The following AAMP variants were observed in gnomAD, a reference collection of about 807,000 sequenced individuals.
AAMP encodes the protein angio associated migratory cell protein.
In AAMP, 12 loss-of-function variants were observed where a neutral mutation model predicts 51.1. The ratio of observed to expected loss-of-function variants is 0.23; its 90% CI spans 0.15 to 0.38. The LOEUF is 0.38. AAMP is among the 10% of genes least tolerant of loss of function. AAMP has a pLI of 1.00. For synonymous variants in AAMP, 210 were observed against 218.7 expected, an observed-to-expected ratio of 0.96 and a Z score of 0.35; for missense variants, 418 against 557.2, an observed-to-expected ratio of 0.75 and a Z score of 2.52.
At chr2:218,268,224 C>T (rs543316929) in intron 2 of AAMP, among the ~76,000 whole-genome samples, 21 of 152,082 alleles carry the variant, frequency 1.4e-4, no homozygotes, top group African/African-American at 4.1e-4. Flanking sequence ...GCCTCGGCCT[C>T]CCAAAGTGCT....
intron 10 of AAMP, 110 bp downstream of exon 10, chr2:218,264,910 C>T (rs1189567029): frequency 1.3e-6 from 2 of 1,527,500 alleles, no homozygotes; most frequent in East Asian, 2.2e-5. Context: ...GGCTTCTCTG[C>T]ATTCCTGCCT....
Position 218,267,380 on chromosome 2 carries a change from G to A in AAMP, c.394+114C>T, listed in dbSNP as rs961984446. The A allele has an allele frequency of 1.4e-6, 2 of 1,474,680 alleles. No homozygotes were observed. 91.3% of individuals were successfully genotyped at this position (1,474,680 alleles called of 1,614,324 possible). A position where few individuals can be genotyped will look rare whatever the true frequency, so the allele number is the denominator to read the frequency against. ...GTCCCTGGGGCCCAGCACAGAGCTG[G>A]CACAAAAGAGATGTCACTAAGTGGC... On this transcript the variant is annotated intron_variant, in intron 3 of 10. Coordinates refer to ENST00000248450, the MANE Select transcript of AAMP (RefSeq NM_001087.5). This position sits in a 1 kb window ranked among gnomAD's most constrained non-coding sequence, Gnocchi z 4.6.
At chr2:218,269,592 G>A (rs1690733350) in intron 1 of AAMP, 58 bp from the exon 2 acceptor site, 1 of 1,612,938 alleles carries the variant, frequency 6.2e-7, no homozygotes, top group Non-Finnish European at 8.5e-7. Flanking sequence ...GGTACGGAGA[G>A]AAGCATGAGG....
chr2:218,266,511 G>A lies in AAMP; in HGVS notation c.611C>T (p.Pro204Leu), dbSNP rs1311657014. Reference protein sequence around the residue: ...ADGNTWMWKVPNGDCKTFQGP... With the variant: ...ADGNTWMWKVLNGDCKTFQGP... The stretch of plus-strand genomic sequence containing the variant: ...CTGGAAGGTCTTGCAGTCACCATTC[G>A]GGACTTTCCACATCCAGGTGTTGCC... The change falls in exon 5 of 11, where the codon CCG (proline) becomes CTG (leucine). Residue 204 changes from proline to leucine, a missense_variant. Transcript: ENST00000248450. This position sits in a 1 kb window ranked among gnomAD's most constrained non-coding sequence, Gnocchi z 4.7. 7 of 1,613,974 alleles carry A rather than the reference G, an allele frequency of 4.3e-6. No individual in the cohort carries two copies. Among genetic ancestry groups the A allele is most frequent in the South Asian group, 1.1e-5 (1 of 91,082 alleles).
Position 218,267,370 on chromosome 2 carries a change from C to G in AAMP, c.394+124G>C. The G allele has an allele frequency of 1.4e-6, 2 of 1,435,578 alleles. No homozygotes were observed. Among genetic ancestry groups the G allele is most frequent in the South Asian group, 2.6e-5 (2 of 78,142 alleles). The allele number at this position is 1,435,578 out of a possible 1,614,324, so 88.9% of individuals were successfully genotyped here. A position where few individuals can be genotyped will look rare whatever the true frequency, so the allele number is the denominator to read the frequency against. Reference sequence around the variant, plus strand: ...TTCGCCCCGTGTCCCTGGGGCCCAGCACAGAGCTGGCACAAAAGAGATGTC... The same window carrying G: ...TTCGCCCCGTGTCCCTGGGGCCCAGGACAGAGCTGGCACAAAAGAGATGTC... On this transcript the variant is annotated intron_variant, in intron 3 of 10. Transcript: ENST00000248450. The surrounding 1 kb of genome is among the most constrained non-coding windows in gnomAD (Gnocchi z 4.6).
At position 218,267,309 on chromosome 2, in the gene AAMP, A is replaced by T; in HGVS notation, c.394+185T>A. 2.2e-6 allele frequency: 2 copies of T among 904,338 alleles called. No individual in the cohort carries two copies. Among genetic ancestry groups the T allele is most frequent in the Non-Finnish European group, 3.4e-6 (2 of 595,168 alleles). 56.0% of individuals were successfully genotyped at this position (904,338 alleles called of 1,614,324 possible). A position where few individuals can be genotyped will look rare whatever the true frequency, so the allele number is the denominator to read the frequency against. On this transcript the variant is annotated intron_variant, in intron 3 of 10. Transcript: ENST00000248450. This position sits in a 1 kb window ranked among gnomAD's most constrained non-coding sequence, Gnocchi z 4.6. ...CTTTCCTGGATTCCCTTGGCCAATTAGTGCCTCCTGCCTCTGTGCCCAAAA... is the reference window on the plus strand; with the variant it reads ...CTTTCCTGGATTCCCTTGGCCAATTTGTGCCTCCTGCCTCTGTGCCCAAAA...
chr2:218,267,033 T>TG lies in AAMP; in HGVS notation c.395-48dup, dbSNP rs769063299. On this transcript the variant is annotated intron_variant, in intron 3 of 10. Transcript: ENST00000248450. The surrounding 1 kb of genome is among the most constrained non-coding windows in gnomAD (Gnocchi z 4.6). ...AAACAGAGGAAAAAAATAGGGTACC[T>TG]GGTGCTGGGGGCATGTGATTCTGGT... 3 of 1,606,090 alleles carry TG rather than the reference T, an allele frequency of 1.9e-6. No individual in the cohort carries two copies. Among genetic ancestry groups the TG allele is most frequent in the Non-Finnish European group, 1.7e-6 (2 of 1,173,904 alleles).
chr2:218,266,802 C>A lies in AAMP; in HGVS notation c.534+45G>T, dbSNP rs1053873518. On this transcript the variant is annotated intron_variant, in intron 4 of 10. Transcript: ENST00000248450. The surrounding 1 kb of genome is among the most constrained non-coding windows in gnomAD (Gnocchi z 4.7). ...TGGCCTCCCAAGCTTGCACCCCCAA[C>A]AACCCAAGGCCCCACAGAGCTGACT... The A allele has an allele frequency of 7.5e-6, 12 of 1,609,148 alleles. No homozygotes were observed. Among genetic ancestry groups the A allele is most frequent in the Non-Finnish European group, 9.3e-6 (11 of 1,177,220 alleles).
intron 2 of AAMP, among the ~76,000 whole-genome samples, chr2:218,269,020 A>C (rs1248732761): frequency 6.6e-6 from 1 of 151,992 alleles, no homozygotes; most frequent in Non-Finnish European, 1.5e-5. Flanking sequence ...TTTAGTAGAG[A>C]CTGGGTTTTG....
chr2:218,264,529 G>A lies in AAMP; in HGVS notation c.*4C>T, dbSNP rs570331314. The A allele has an allele frequency of 1.1e-4, 184 of 1,613,802 alleles. No homozygotes were observed. Among genetic ancestry groups the A allele is most frequent in the Non-Finnish European group, 1.5e-4 (180 of 1,179,780 alleles). On this transcript the variant is annotated 3_prime_UTR_variant, in exon 11 of 11. Transcript: ENST00000248450. The stretch of plus-strand genomic sequence containing the variant: ...ACCAGACACACAGGCAGGGGCTGCA[G>A]CCATTAACGGTCAGGCCTTTGGACA...
chr2:218,270,079 G>T lies in AAMP; in HGVS notation c.8C>A (p.Ser3Tyr), dbSNP rs952839481. The T allele has an allele frequency of 5.6e-6, 9 of 1,613,834 alleles. No individual in the cohort carries two copies. In the Admixed American group the frequency reaches 6.7e-5, roughly 12 times the overall value. Reference sequence around the variant, plus strand: ...AGCAGCAGCCCCGCTTTCCGATTCGGACTCCATGCGGCGCAAGCGGCGGAT... The same window carrying T: ...AGCAGCAGCCCCGCTTTCCGATTCGTACTCCATGCGGCGCAAGCGGCGGAT... MESESESGAAADT... is the reference protein window; with the variant it reads MEYESESGAAADT... The change falls in exon 1 of 11, where the codon TCC becomes TAC. Residue 3 changes from serine to tyrosine, a missense_variant. Physicochemically the swap from Ser to Tyr is moderately radical, Grantham distance 144 (BLOSUM62 -2). Coordinates refer to ENST00000248450, the MANE Select transcript of AAMP (RefSeq NM_001087.5).
chr2:218,269,303 A>G, intron 2 of AAMP, 79 bp downstream of exon 2: 1 of 1,563,804 alleles, frequency 6.4e-7, no homozygotes, highest in South Asian at 1.1e-5. Context: ...TGTCCCCCAT[A>G]ACGTTCTGTC....
In AAMP at chr2:218,267,617, T is replaced by C. The variant is rs527638510; in HGVS notation, c.275-4A>G. ...AGGCTCACACAAAACACAGATGCTGTCCCAAGAGATATTCCATGGGTAAGG... is the reference window on the plus strand; with the variant it reads ...AGGCTCACACAAAACACAGATGCTGCCCCAAGAGATATTCCATGGGTAAGG... On this transcript the variant is annotated splice_region_variant and splice_polypyrimidine_tract_variant and intron_variant, in intron 2 of 10. Transcript: ENST00000248450. The surrounding 1 kb of genome is among the most constrained non-coding windows in gnomAD (Gnocchi z 4.6). 23 of 1,614,074 alleles carry C rather than the reference T, an allele frequency of 1.4e-5. No individual in the cohort carries two copies. The African/African-American group carries it at 1.7e-4, about 12-fold the overall frequency.
Position 218,267,865 on chromosome 2 carries a change from T to C in AAMP, c.275-252A>G, listed in dbSNP as rs1480343716. On this transcript the variant is annotated intron_variant, in intron 2 of 10. Coordinates refer to ENST00000248450, the MANE Select transcript of AAMP (RefSeq NM_001087.5). This position sits in a 1 kb window ranked among gnomAD's most constrained non-coding sequence, Gnocchi z 4.6. ...CCGTCACCACCCAACACCAATGCCA[T>C]GGACAAGAGGTGGGGACAGGTGCAG... Among the ~76,000 whole-genome samples the C allele has an allele frequency of 1.3e-5, 2 of 152,170 alleles. No homozygotes were observed. The highest frequency in any genetic ancestry group is 4.8e-5 in the African/African-American group (2 of 41,448).
chr2:218,265,353 A>G lies in AAMP; in HGVS notation c.1074+18T>C, dbSNP rs999635654. 2 of 1,551,042 alleles carry G rather than the reference A, an allele frequency of 1.3e-6. No homozygotes were observed. The highest frequency in any genetic ancestry group is 2.7e-5 in the African/African-American group (2 of 73,212). ...TATGGACACAGCCCACAGGGACCCC[A>G]GCTCCAGCTGCCCATACCTGGTGCT... On this transcript the variant is annotated intron_variant, in intron 9 of 10. Transcript: ENST00000248450. This position sits in a 1 kb window ranked among gnomAD's most constrained non-coding sequence, Gnocchi z 6.6.
At chr2:218,268,470 CT>C (rs1690687782) in intron 2 of AAMP, among the ~76,000 whole-genome samples, 1 of 152,040 alleles carries the variant, frequency 6.6e-6, no homozygotes. Flanking sequence ...TCCGGAGTAG[CT>C]GGGATTACAG....
chr2:218,267,354 T>G lies in AAMP; in HGVS notation c.394+140A>C. 2 of 1,285,940 alleles carry G rather than the reference T, an allele frequency of 1.6e-6. No individual in the cohort carries two copies. The highest frequency in any genetic ancestry group is 2.2e-6 in the Non-Finnish European group (2 of 922,106). The allele number at this position is 1,285,940 out of a possible 1,614,324, so 79.7% of individuals were successfully genotyped here. On this transcript the variant is annotated intron_variant, in intron 3 of 10. Coordinates refer to ENST00000248450, the MANE Select transcript of AAMP (RefSeq NM_001087.5). The surrounding 1 kb of genome is among the most constrained non-coding windows in gnomAD (Gnocchi z 4.6). ...CCAAAACACACTAGTATTCGCCCCGTGTCCCTGGGGCCCAGCACAGAGCTG... is the reference window on the plus strand; with the variant it reads ...CCAAAACACACTAGTATTCGCCCCGGGTCCCTGGGGCCCAGCACAGAGCTG...
At position 218,266,112 on chromosome 2, in the gene AAMP, T is replaced by G; in HGVS notation, c.715A>C (p.Ile239Leu). ...CCCTGCTTCAGGTCCCAAATCCTGA[T>G]GGTCCCATCTTCATAGCCTACCACA... ...RAVVGYEDGT[I>L]RIWDLKQGSP... is the part of the protein sequence containing the mutation. Residue 239 changes from isoleucine (I) to leucine (L), a missense_variant, in exon 6 of 11, where the codon ATC becomes CTC. By Grantham distance (5) the Ile-to-Leu change is conservative. Transcript: ENST00000248450. This position sits in a 1 kb window ranked among gnomAD's most constrained non-coding sequence, Gnocchi z 4.7. 6.2e-7 allele frequency: 1 copy of G among 1,614,152 alleles called. No homozygotes were observed. Among genetic ancestry groups the G allele is most frequent in the South Asian group, 1.1e-5 (1 of 91,080 alleles).
Position 218,265,259 on chromosome 2 carries a change from C to T in AAMP, c.1075-85G>A, listed in dbSNP as rs2106170864. On this transcript the variant is annotated intron_variant, in intron 9 of 10. Transcript: ENST00000248450. The surrounding 1 kb of genome is among the most constrained non-coding windows in gnomAD (Gnocchi z 6.6). ...CTCCCAATTCTCAAAGAGGGACAGC[C>T]ACACACAAGGGCCAGGCAGGAGCCA... 6.4e-7 allele frequency: 1 copy of T among 1,558,178 alleles called. No homozygotes were observed. Among genetic ancestry groups the T allele is most frequent in the East Asian group, 2.3e-5 (1 of 43,426 alleles).
Sources: gnomAD v4.1 joint callset for allele counts (sites outside exome capture counted in the v4.1 genomes callset) on GRCh38, gnomAD v4.1.1 for gene constraint, Gnocchi (gnomAD v3.1) non-coding constraint, MANE v1.5 for transcripts, NCBI Gene and HGNC (gene_info 2026-07-23, HGNC 2026-07-21) for gene names.